The following LUZP1 variants were observed in gnomAD, a reference collection of about 807,000 sequenced individuals.
LUZP1 encodes filamin mechanobinding actin cross-linking protein.
A neutral mutation model predicts 71.3 loss-of-function variants in LUZP1; 25 were observed. That is an observed-to-expected ratio of 0.35 (90% CI 0.26 to 0.49). The LOEUF (loss-of-function observed/expected upper bound fraction) is 0.49. Ranked by LOEUF, LUZP1 falls within the 20% of genes least tolerant of loss-of-function variation. LUZP1 has a pLI of 0.99. For synonymous variants in LUZP1, 481 were observed against 506.4 expected (o/e 0.95, Z 0.67); for missense variants, 1,142 against 1,300.8 (o/e 0.88, Z 1.88).
intron 1 of LUZP1, among the ~76,000 whole-genome samples, chr1:23,174,679 A>C (rs1644572418): frequency 6.6e-6 from 1 of 152,182 alleles, no homozygotes; most frequent in Non-Finnish European, 1.5e-5. Context: ...TCAGAAAAAA[A>C]GGCAATAAAG....
intron 2 of LUZP1, among the ~76,000 whole-genome samples, chr1:23,136,843 G>A (rs1237164339): frequency 1.3e-5 from 2 of 152,198 alleles, no homozygotes; most frequent in Admixed American, 6.5e-5. Flanking sequence ...GCATGAACCC[G>A]GGAGGCGGAG....
chr1:23,092,854 G>A lies in LUZP1; in HGVS notation c.1408C>T (p.Gln470Ter). Residue 470 changes from glutamine to a stop codon, truncating the protein, a stop_gained, in exon 4 of 5, where the codon CAG (glutamine) becomes TAG (stop). Transcript: ENST00000302291. LOFTEE classifies it high-confidence loss of function. ...GGGTAGCGACTCAGCACTGAGGGCT[G>A]CTCCCTAGACTTCTTCCCTTCGCTC... 6.2e-7 allele frequency: 1 copy of A among 1,613,736 alleles called. No individual in the cohort carries two copies. The highest frequency in any genetic ancestry group is 8.5e-7 in the Non-Finnish European group (1 of 1,179,890).
intron 3 of LUZP1, among the ~76,000 whole-genome samples, chr1:23,095,933 G>A (rs1643889523): frequency 6.6e-6 from 1 of 152,044 alleles, no homozygotes; most frequent in South Asian, 2.1e-4. Flanking sequence ...TCTCTACAGA[G>A]GTCACACAGG....
chr1:23,139,019 A>AAAAAT (rs1317355746), intron 2 of LUZP1, among the ~76,000 whole-genome samples: 10 of 59,954 alleles, frequency 1.7e-4, no homozygotes, highest in Non-Finnish European at 2.1e-4. Context: ...AAAAAAAAAA[A>AAAAAT]ATATATATAT....
intron 3 of LUZP1, among the ~76,000 whole-genome samples, chr1:23,095,665 G>C (rs1273038395): frequency 6.6e-6 from 1 of 152,052 alleles, no homozygotes; most frequent in Non-Finnish European, 1.5e-5. Flanking sequence ...TACAGCTCCA[G>C]GATAACTAGT....
exon 4 of LUZP1, chr1:23,091,253 A>T: frequency 6.2e-7 from 1 of 1,613,938 alleles, no homozygotes; most frequent in Non-Finnish European, 8.5e-7. Flanking sequence ...TCCGACGGGT[A>T]AGCACCTCTG....
intron 2 of LUZP1, among the ~76,000 whole-genome samples, chr1:23,145,381 T>C (rs1380254804): frequency 2.6e-5 from 4 of 152,166 alleles, no homozygotes; most frequent in Non-Finnish European, 5.9e-5. Context: ...GTAATATTTA[T>C]TGTGTTTGTT....
intron 2 of LUZP1, among the ~76,000 whole-genome samples, chr1:23,118,135 C>T (rs965175118): frequency 2.0e-5 from 3 of 151,912 alleles, no homozygotes; most frequent in Non-Finnish European, 4.4e-5. Context: ...GTCATGGTGG[C>T]TTGCGCCTGT....
exon 4 of LUZP1, chr1:23,091,328 T>C (rs1340966522): frequency 6.2e-7 from 1 of 1,614,146 alleles, no homozygotes; most frequent in East Asian, 2.2e-5. Flanking sequence ...AACTTGGTCC[T>C]ACCCTTCGAG....
In LUZP1 at chr1:23,172,259, G is replaced by A. The variant is rs187003033; in HGVS notation, c.-484-3235C>T. 2.6e-5 allele frequency among the ~76,000 whole-genome samples: 4 copies of A among 152,318 alleles called. No individual in the cohort carries two copies. The East Asian group carries it at 7.7e-4, about 29-fold the overall frequency. ...AAAGGTCTCTATTGGGCATTGTTAA[G>A]TGAAAAGAGTAAGAGTAAGTTGCCG... is the stretch of plus-strand genomic sequence containing the variant. On this transcript the variant is annotated intron_variant, in intron 1 of 4. Transcript: ENST00000302291.
chr1:23,116,900 T>C (rs992744503), intron 2 of LUZP1, among the ~76,000 whole-genome samples: 5 of 152,184 alleles, frequency 3.3e-5, no homozygotes, highest in Admixed American at 6.5e-5. Context: ...TTTACATGCA[T>C]CTCATCTCCC....
At chr1:23,144,359 A>G (rs1215147642) in intron 2 of LUZP1, among the ~76,000 whole-genome samples, 1 of 152,202 alleles carries the variant, frequency 6.6e-6, no homozygotes, top group Non-Finnish European at 1.5e-5. Flanking sequence ...TAAGGCTGTA[A>G]GAAGGGAAAA....
intron 2 of LUZP1, among the ~76,000 whole-genome samples, chr1:23,166,185 G>C (rs1644508668): frequency 6.6e-6 from 1 of 152,136 alleles, no homozygotes; most frequent in Non-Finnish European, 1.5e-5. Context: ...CAGTGGCTGA[G>C]TCAAAGGCCA....
intron 1 of LUZP1, among the ~76,000 whole-genome samples, chr1:23,170,137 C>T (rs995818466): frequency 7.2e-5 from 11 of 152,190 alleles, no homozygotes; most frequent in Admixed American, 2.6e-4. Flanking sequence ...TAACCAATAA[C>T]ATTGTGTTTA....
intron 2 of LUZP1, among the ~76,000 whole-genome samples, chr1:23,137,451 G>C (rs1349715729): frequency 2.0e-5 from 3 of 152,110 alleles, no homozygotes; most frequent in Non-Finnish European, 4.4e-5. Flanking sequence ...AACCAGCCTG[G>C]CCAACATGTC....
rs1644546829 is a variant in LUZP1, at chr1:23,170,678, G to A, written c.-484-1654C>T. Among the ~76,000 whole-genome samples the A allele has an allele frequency of 4.6e-5, 7 of 151,656 alleles. No homozygotes were observed. The South Asian group carries it at 1.5e-3, about 32-fold the overall frequency. On this transcript the variant is annotated intron_variant, in intron 1 of 4. Transcript: ENST00000302291. The stretch of plus-strand genomic sequence containing the variant: ...GACGGTGTTTCACCATGTTGGCCAC[G>A]CTGGTCTCGAACTCCTGACCTCAGG...
At chr1:23,149,692 G>C (rs1644368355) in intron 2 of LUZP1, among the ~76,000 whole-genome samples, 1 of 152,038 alleles carries the variant, frequency 6.6e-6, no homozygotes, top group Non-Finnish European at 1.5e-5. Context: ...AGAAGTAAAA[G>C]GGCCGGGCGT....
intron 1 of LUZP1, among the ~76,000 whole-genome samples, chr1:23,172,831 A>C (rs746584490): frequency 6.7e-6 from 1 of 149,528 alleles, no homozygotes; most frequent in Non-Finnish European, 1.5e-5. Flanking sequence ...TTATTTATTT[A>C]TTTTTATTTT....
chr1:23,084,135 A>G (rs1643717825), exon 5 of LUZP1: 1 of 152,218 alleles, frequency 6.6e-6, no homozygotes, highest in Non-Finnish European at 1.5e-5. Context: ...AGCGCACTAC[A>G]TAGGATCAAG....
Sources: allele counts gnomAD v4.1 joint callset (sites outside exome capture counted in the v4.1 genomes callset), GRCh38; gene constraint gnomAD v4.1.1; transcripts MANE v1.5; gene names NCBI Gene and HGNC (gene_info 2026-07-23, HGNC 2026-07-21).